Variants in TBC1D9 observed in about 807,000 individuals in gnomAD.
The protein encoded by TBC1D9 is TBC1 domain family member 9A.
In TBC1D9, 63 loss-of-function variants were observed where a neutral mutation model predicts 132.0. That is an observed-to-expected ratio of 0.48 (90% CI 0.39 to 0.59). TBC1D9 has a LOEUF of 0.59. Ranked by LOEUF, TBC1D9 falls within the 20% of genes least tolerant of loss-of-function variation. The pLI is 0.00. For synonymous variants in TBC1D9, 610 were observed against 609.9 expected, an observed-to-expected ratio of 1.00 and a Z score of 0.00; for missense variants, 1,261 against 1,592.7, an observed-to-expected ratio of 0.79 and a Z score of 3.54.
chr4:140,624,512 C>CA (rs11307081), intron 18 of TBC1D9, 124 bp from the exon 19 acceptor site: 372 of 688,562 alleles, frequency 5.4e-4, no homozygotes, highest in Middle Eastern at 9.3e-4. Context: ...AACAAACAAA[C>CA]AAAAAAAAAC....
At chr4:140,650,071 C>T (rs1737164147) in intron 13 of TBC1D9, among the ~76,000 whole-genome samples, 1 of 152,118 alleles carries the variant, frequency 6.6e-6, no homozygotes, top group South Asian at 2.1e-4. Flanking sequence ...ATGGAAATTA[C>T]AAAAAACATT....
chr4:140,655,326 T>C (rs1434606636), intron 13 of TBC1D9, among the ~76,000 whole-genome samples: 2 of 152,168 alleles, frequency 1.3e-5, no homozygotes, highest in African/African-American at 4.8e-5. Context: ...TTATTATGAG[T>C]TAAGGACACA....
chr4:140,722,189 G>C (rs1738435926), intron 1 of TBC1D9, among the ~76,000 whole-genome samples: 1 of 152,118 alleles, frequency 6.6e-6, no homozygotes, highest in South Asian at 2.1e-4. Context: ...AAATGGCATG[G>C]AAACAAGGAA....
rs1353768090 is a variant in TBC1D9, at chr4:140,672,660, A to G, written c.1060-1734T>C. On this transcript the variant is annotated intron_variant, in intron 6 of 20. Transcript: ENST00000442267. ...CCACATAAAACATATAAATGCTCAG[A>G]CGGCTTATAAAATGTTTCTCACTGA... 1.6e-4 allele frequency among the ~76,000 whole-genome samples: 25 copies of G among 152,218 alleles called. 1 individual carries two copies. The highest frequency in any genetic ancestry group is 1.6e-3 in the Admixed American group (25 of 15,268).
chr4:140,723,507 T>C lies in TBC1D9; in HGVS notation c.131-21893A>G, dbSNP rs1444345006. On this transcript the variant is annotated intron_variant, in intron 1 of 20. Transcript: ENST00000442267. ...CACCACCATGCATGGCTAATTTTTG[T>C]ATTTTTAGTAGAGACAGGGTTTCGC... Among the ~76,000 whole-genome samples the C allele has an allele frequency of 2.6e-5, 4 of 152,248 alleles. No homozygotes were observed. The South Asian group carries it at 6.2e-4, about 24-fold the overall frequency.
chr4:140,731,148 C>T (rs1391548902), intron 1 of TBC1D9, among the ~76,000 whole-genome samples: 1 of 152,160 alleles, frequency 6.6e-6, no homozygotes, highest in Non-Finnish European at 1.5e-5. Context: ...CCTGTGTTTA[C>T]ATACCACCAA....
chr4:140,753,294 A>C (rs1236515445), intron 1 of TBC1D9, among the ~76,000 whole-genome samples: 1 of 150,624 alleles, frequency 6.6e-6, no homozygotes, highest in Non-Finnish European at 1.5e-5. Flanking sequence ...AGGTCTCACC[A>C]TGTTGCCCAG....
chr4:140,636,992 G>A (rs1736890903), intron 15 of TBC1D9, among the ~76,000 whole-genome samples: 1 of 152,160 alleles, frequency 6.6e-6, no homozygotes. Flanking sequence ...CATATTCTCA[G>A]GGTTCAAATG....
At chr4:140,726,788 A>G (rs1354372755) in intron 1 of TBC1D9, among the ~76,000 whole-genome samples, 1 of 152,202 alleles carries the variant, frequency 6.6e-6, no homozygotes, top group Non-Finnish European at 1.5e-5. Context: ...AGCATACCAC[A>G]TTATCTTTGT....
At chr4:140,677,247 G>GTTAA in intron 5 of TBC1D9, 146 bp from the exon 6 acceptor site, 2 of 863,564 alleles carry the variant, frequency 2.3e-6, no homozygotes, top group Non-Finnish European at 3.5e-6. Flanking sequence ...TTATATTGAA[G>GTTAA]TTAACCCCAA....
chr4:140,718,099 G>C (rs1218885237), intron 1 of TBC1D9, among the ~76,000 whole-genome samples: 1 of 152,008 alleles, frequency 6.6e-6, no homozygotes, highest in Non-Finnish European at 1.5e-5. Context: ...GCATACTGAT[G>C]GGATTCAATT....
At chr4:140,659,509 T>C in intron 11 of TBC1D9, 79 bp downstream of exon 11, 1 of 965,042 alleles carries the variant, frequency 1.0e-6, no homozygotes, top group Non-Finnish European at 1.6e-6. Context: ...TGACCAGAAA[T>C]AGTGTTCTGG....
At chr4:140,709,514 A>G (rs1432868790) in intron 1 of TBC1D9, among the ~76,000 whole-genome samples, 3 of 149,926 alleles carry the variant, frequency 2.0e-5, no homozygotes, top group Non-Finnish European at 4.5e-5. Flanking sequence ...AAAAAAAAAA[A>G]GACATAAAAA....
chr4:140,623,298 G>A (rs1736653332), intron 20 of TBC1D9, among the ~76,000 whole-genome samples: 1 of 151,968 alleles, frequency 6.6e-6, no homozygotes, highest in Non-Finnish European at 1.5e-5. Flanking sequence ...TGTACTCCTG[G>A]GCTAAGTGAT....
intron 1 of TBC1D9, among the ~76,000 whole-genome samples, chr4:140,701,857 T>C (rs538773567): frequency 3.9e-5 from 6 of 152,286 alleles, no homozygotes; most frequent in African/African-American, 1.4e-4. Flanking sequence ...CACATGTTAT[T>C]TTCATCTGCC....
intron 16 of TBC1D9, among the ~76,000 whole-genome samples, chr4:140,633,203 AGC>A (rs1736826057): frequency 6.6e-6 from 1 of 152,238 alleles, no homozygotes; most frequent in Non-Finnish European, 1.5e-5. Context: ...GTCATAGAGT[AGC>A]ACAATTAGAA....
Position 140,677,063 on chromosome 4 carries a change from G to A in TBC1D9, c.890C>T (p.Ala297Val). ...TTCATCTTTGGGCAGCCGGAAAAGT[G>A]CACGGTATCTCTCACTCTTTGCCCT... ...DARAKSERYR[A>V]LFRLPKDEKL... The change falls in exon 6 of 21, where the codon GCA (alanine) becomes GTA (valine). Residue 297 changes from alanine to valine, a missense_variant. By Grantham distance (64) the Ala-to-Val change is moderately conservative. Transcript: ENST00000442267. The A allele has an allele frequency of 1.2e-6, 2 of 1,613,896 alleles. No homozygotes were observed. The highest frequency in any genetic ancestry group is 1.7e-6 in the Non-Finnish European group (2 of 1,179,864).
intron 1 of TBC1D9, among the ~76,000 whole-genome samples, chr4:140,714,769 C>T (rs1738304353): frequency 6.6e-6 from 1 of 152,130 alleles, no homozygotes; most frequent in Admixed American, 6.5e-5. Context: ...TTTTCAGAGT[C>T]TGCTCTCTGT....
intron 16 of TBC1D9, among the ~76,000 whole-genome samples, chr4:140,633,417 G>C (rs1489625697): frequency 6.6e-6 from 1 of 152,154 alleles, no homozygotes; most frequent in Admixed American, 6.5e-5. Flanking sequence ...GCTGTGGTGA[G>C]GTGTGGGGTG....
Sources: gnomAD v4.1 joint callset for allele counts (sites outside exome capture counted in the v4.1 genomes callset) on GRCh38, gnomAD v4.1.1 for gene constraint, MANE v1.5 for transcripts, NCBI Gene and HGNC (gene_info 2026-07-23, HGNC 2026-07-21) for gene names.